Variants in RASGEF1B observed in about 807,000 individuals in gnomAD.
The protein encoded by RASGEF1B is RasGEF domain family member 1B.
Under a neutral mutation model 65.7 loss-of-function variants are expected in RASGEF1B, and 30 were observed. The observed-to-expected ratio is 0.46, with a 90% confidence interval of 0.34 to 0.62. The LOEUF is 0.62. Ranked by LOEUF, RASGEF1B falls within the 20% of genes least tolerant of loss-of-function variation. The probability of loss-of-function intolerance (pLI) is 0.01; values close to 1 mark genes in which losing one functional copy is unlikely to be tolerated. For synonymous variants in RASGEF1B, 175 were observed against 194.8 expected (o/e 0.90, Z 0.85); for missense variants, 495 against 580.1 (o/e 0.85, Z 1.51).
At chr4:81,435,755 G>GT (rs1721609615) in intron 10 of RASGEF1B, among the ~76,000 whole-genome samples, 1 of 144,516 alleles carries the variant, frequency 6.9e-6, no homozygotes, top group African/African-American at 2.6e-5. Flanking sequence ...GATTACAGGC[G>GT]TGAGCCAACG....
intron 10 of RASGEF1B, among the ~76,000 whole-genome samples, chr4:81,438,594 T>C (rs1453264106): frequency 1.3e-5 from 2 of 152,252 alleles, no homozygotes; most frequent in Admixed American, 6.5e-5. Context: ...GGGATACGTG[T>C]GCACAACGTG....
chr4:81,470,259 A>G (rs1031594974), intron 1 of RASGEF1B, among the ~76,000 whole-genome samples: 2 of 152,174 alleles, frequency 1.3e-5, no homozygotes, highest in African/African-American at 4.8e-5. Context: ...TATTTGTTCT[A>G]AATCTCATGG....
intron 12 of RASGEF1B, among the ~76,000 whole-genome samples, chr4:81,433,547 T>A (rs777512945): frequency 1.3e-5 from 2 of 152,016 alleles, no homozygotes; most frequent in Admixed American, 6.6e-5. Flanking sequence ...TCTATTCAAG[T>A]AAGCTCAAGC....
chr4:81,440,833 C>T lies in RASGEF1B; in HGVS notation c.1104+1G>A. 2 of 1,585,560 alleles carry T rather than the reference C, an allele frequency of 1.3e-6. No homozygotes were observed. The highest frequency in any genetic ancestry group is 1.7e-4 in the Middle Eastern group (1 of 5,986). ...AGAAAGATACTTCTTTAAGTGCATA[C>T]CTTTTCTCTACTACTATGAGCAGTT... On this transcript the variant is annotated splice_donor_variant, in intron 10 of 13. Coordinates refer to ENST00000264400, the MANE Select transcript of RASGEF1B (RefSeq NM_152545.3). LOFTEE classifies it high-confidence loss of function.
intron 1 of RASGEF1B, among the ~76,000 whole-genome samples, chr4:81,462,808 G>A (rs1270525369): frequency 6.6e-6 from 1 of 152,126 alleles, no homozygotes; most frequent in Non-Finnish European, 1.5e-5. Flanking sequence ...GATGCAGAGG[G>A]CTCTGAGAAT....
intron 4 of RASGEF1B, chr4:81,455,375 A>C (rs6829780): frequency 0.22 from 33,358 of 152,118 alleles, 3,839 homozygotes; most frequent in South Asian, 0.3. Context: ...GAAGTCAAGG[A>C]TGCAGTGAGC....
chr4:81,440,532 A>G (rs1005411848), intron 10 of RASGEF1B, among the ~76,000 whole-genome samples: 1 of 152,180 alleles, frequency 6.6e-6, no homozygotes, highest in Non-Finnish European at 1.5e-5. Flanking sequence ...ATTAAACTAA[A>G]TTACTCTCTA....
chr4:81,452,571 G>C (rs1317823198), intron 4 of RASGEF1B: 2 of 152,168 alleles, frequency 1.3e-5, no homozygotes, highest in Admixed American at 1.3e-4. Flanking sequence ...GTGAGAGAGT[G>C]TATGTATATG....
chr4:81,460,604 A>G (rs185563065), intron 1 of RASGEF1B, among the ~76,000 whole-genome samples: 7 of 152,178 alleles, frequency 4.6e-5, no homozygotes, highest in East Asian at 1.9e-4. Flanking sequence ...AGTCACATCC[A>G]TCACTCCTTG....
At chr4:81,443,688 A>T (rs1721924918) in intron 8 of RASGEF1B, among the ~76,000 whole-genome samples, 1 of 152,234 alleles carries the variant, frequency 6.6e-6, no homozygotes, top group African/African-American at 2.4e-5. Flanking sequence ...GTAAATGGGC[A>T]TTTGGATTGT....
intron 10 of RASGEF1B, among the ~76,000 whole-genome samples, 188 bp from the exon 11 acceptor site, chr4:81,434,922 T>C (rs1263589298): frequency 2.6e-5 from 4 of 152,202 alleles, no homozygotes; most frequent in Non-Finnish European, 4.4e-5. Flanking sequence ...ATACTACAAC[T>C]GCTATAACCA....
At chr4:81,460,234 C>A (rs1722595543) in intron 1 of RASGEF1B, among the ~76,000 whole-genome samples, 1 of 152,186 alleles carries the variant, frequency 6.6e-6, no homozygotes, top group Non-Finnish European at 1.5e-5. Flanking sequence ...TGTGACAGTC[C>A]TGAGATAAGT....
At chr4:81,442,503 A>G (rs1721876724) in intron 8 of RASGEF1B, 127 bp from the exon 9 acceptor site, 2 of 647,586 alleles carry the variant, frequency 3.1e-6, no homozygotes, top group Admixed American at 2.8e-5. Flanking sequence ...TAAGTAACAA[A>G]CTCCAATTTT....
intron 1 of RASGEF1B, among the ~76,000 whole-genome samples, 157 bp from the exon 2 acceptor site, chr4:81,459,671 C>A (rs1333011182): frequency 6.6e-6 from 1 of 152,150 alleles, no homozygotes; most frequent in Non-Finnish European, 1.5e-5. Context: ...CCATCAGGAA[C>A]CAAATTGCTC....
At chr4:81,432,212 G>T in intron 13 of RASGEF1B, 87 bp downstream of exon 13, 1 of 795,352 alleles carries the variant, frequency 1.3e-6, no homozygotes, top group Non-Finnish European at 2.1e-6. Flanking sequence ...CAGATAGACA[G>T]CAGCTTCCTA....
intron 4 of RASGEF1B, chr4:81,454,571 C>A (rs539589088): frequency 1.3e-5 from 2 of 152,316 alleles, no homozygotes; most frequent in East Asian, 1.9e-4. Flanking sequence ...CCACGGCTAA[C>A]CCCTCTAACA....
Position 81,440,921 on chromosome 4 carries a change from C to A in RASGEF1B, c.1017G>T (p.Met339Ile). ...AATTATAGAAATTGCTTGAAGGGTC[C>A]ATCTGATGCTATAGATAAAAGAGAG... The part of the protein sequence containing the change: ...TAKFDILEHQ[M>I]DPSSNFYNYR... Residue 339 changes from methionine to isoleucine, a missense_variant, in exon 10 of 14, where the codon ATG becomes ATT. Physicochemically the swap from Met to Ile is conservative, Grantham distance 10. Coordinates refer to ENST00000264400, the MANE Select transcript of RASGEF1B (RefSeq NM_152545.3). 6.2e-7 allele frequency: 1 copy of A among 1,603,814 alleles called. No individual in the cohort carries two copies.
In RASGEF1B at chr4:81,440,926, G is replaced by A; in HGVS notation, c.1012C>T (p.Gln338Ter). The change falls in exon 10 of 14, where the codon CAG becomes TAG. Residue 338 changes from glutamine to a stop codon, truncating the protein, a stop_gained. Transcript: ENST00000264400. LOFTEE classifies it high-confidence loss of function. ...KTAKFDILEH[Q>*]MDPSSNFYNY... ...TAGAAATTGCTTGAAGGGTCCATCT[G>A]ATGCTATAGATAAAAGAGAGAAGAA... 6.3e-7 allele frequency: 1 copy of A among 1,590,064 alleles called. No individual in the cohort carries two copies.
At position 81,447,576 on chromosome 4, in the gene RASGEF1B, C is replaced by T. The variant is rs576190020; in HGVS notation, c.657G>A (p.Glu219=). The T allele has an allele frequency of 3.1e-6, 5 of 1,613,222 alleles. No individual in the cohort carries two copies. The South Asian group carries it at 5.5e-5, about 18-fold the overall frequency. The change falls in exon 6 of 14, where the codon GAG becomes GAA. Residue 219 remains glutamate, a splice_region_variant and synonymous_variant. Coordinates refer to ENST00000264400, the MANE Select transcript of RASGEF1B (RefSeq NM_152545.3). ...LAQQLTHIEL[E]RLNYIGPEEF... ...CTTCTGGCCCAATATAATTGAGCCT[C>T]TCCTGAAACACAAACCCAGAAGGTC...
Sources: allele counts gnomAD v4.1 joint callset (sites outside exome capture counted in the v4.1 genomes callset), GRCh38; gene constraint gnomAD v4.1.1; transcripts MANE v1.5; gene names NCBI Gene and HGNC (gene_info 2026-07-23, HGNC 2026-07-21).